Variants in EVC observed in about 807,000 individuals in gnomAD.
The protein encoded by EVC is EvC ciliary complex subunit 1, also known as evC complex member EVC.
In EVC, 116 loss-of-function variants were observed where a neutral mutation model predicts 118.9. The ratio of observed to expected loss-of-function variants is 0.98; its 90% confidence interval spans 0.84 to 1.14. The LOEUF is 1.14. Ranked by LOEUF, EVC falls within the 50% of genes most tolerant of loss-of-function variation. The pLI is 0.00. For missense variants in EVC, 1,401 were observed against 1,246.4 expected, an observed-to-expected ratio of 1.12 and a Z score of -1.87; for synonymous variants, 619 against 534.7, an observed-to-expected ratio of 1.16 and a Z score of -2.18.
In EVC at chr4:5,752,832, G is replaced by A. The variant is rs2152076013; in HGVS notation, c.1099-4G>A. The A allele has an allele frequency of 6.2e-7, 1 of 1,614,140 alleles. No homozygotes were observed. The highest frequency in any genetic ancestry group is 8.5e-7 in the Non-Finnish European group (1 of 1,179,974). On this transcript the variant is annotated splice_polypyrimidine_tract_variant and splice_region_variant and intron_variant, in intron 8 of 20. Transcript: ENST00000264956. ...GCTATGGTCCTGTGTGTTTCTTTTT[G>A]CAGGACGCCCTGGAGAGGACGATGG... is the stretch of plus-strand genomic sequence containing the variant.
chr4:5,768,367 G>A (rs2152186440), intron 11 of EVC, among the ~76,000 whole-genome samples: 1 of 152,262 alleles, frequency 6.6e-6, no homozygotes, highest in South Asian at 2.1e-4. Context: ...GGAGACTGCT[G>A]TGGCCCGTGT....
At chr4:5,750,169 G>A (rs935068770) in intron 8 of EVC, among the ~76,000 whole-genome samples, 7 of 152,054 alleles carry the variant, frequency 4.6e-5, no homozygotes, top group South Asian at 2.1e-4. Flanking sequence ...TAATGACATC[G>A]CTGAGCCTGG....
chr4:5,753,947 C>T lies in EVC; in HGVS notation c.1464+14C>T, dbSNP rs1276237247. On this transcript the variant is annotated intron_variant, in intron 10 of 20. Transcript: ENST00000264956. ...AAGTTTCTCGAGGTGACTCACATCC[C>T]CAGCCTCTGCACATGTGGGTGAGCC... The T allele has an allele frequency of 6.2e-7, 1 of 1,612,528 alleles. No individual in the cohort carries two copies. The highest frequency in any genetic ancestry group is 8.5e-7 in the Non-Finnish European group (1 of 1,179,990).
At chr4:5,800,096 G>A (rs1467039401) in intron 15 of EVC, among the ~76,000 whole-genome samples, 1 of 152,248 alleles carries the variant, frequency 6.6e-6, no homozygotes, top group Non-Finnish European at 1.5e-5. Flanking sequence ...TGTAATCCCA[G>A]CACTTTGGGA....
rs911132556 is a variant in EVC, at chr4:5,783,686, C to T, written c.1698C>T (p.Ala566=). Residue 566 remains alanine, a synonymous_variant, in exon 12 of 21, where the codon GCC becomes GCT. Coordinates refer to ENST00000264956, the MANE Select transcript of EVC (RefSeq NM_153717.3). The part of the protein sequence containing the change: ...YLRQEVQENA[A]WQLGKSNRFR... ...GGCAGGAAGTCCAGGAGAACGCTGC[C>T]TGGCAGCTGGGGAAGTCAAATCGCT... 2 of 1,613,916 alleles carry T rather than the reference C, an allele frequency of 1.2e-6. No individual in the cohort carries two copies. Among genetic ancestry groups the T allele is most frequent in the African/African-American group, 2.7e-5 (2 of 74,924 alleles).
At chr4:5,800,810 A>G (rs1232464389) in intron 15 of EVC, among the ~76,000 whole-genome samples, 2 of 151,748 alleles carry the variant, frequency 1.3e-5, no homozygotes, top group Non-Finnish European at 2.9e-5. Context: ...TCAGACCTGC[A>G]CTGCCACTCC....
chr4:5,820,150 T>C, the EVC span, among the ~76,000 whole-genome samples: 49,401 of 152,138 alleles, frequency 0.32, 12,653 homozygotes, highest in African/African-American at 0.71. Context: ...ATCTGTACAA[T>C]GGGGATAATA....
intron 1 of EVC, among the ~76,000 whole-genome samples, chr4:5,712,385 G>T (rs1723187804): frequency 6.6e-6 from 1 of 152,230 alleles, no homozygotes; most frequent in Non-Finnish European, 1.5e-5. Context: ...ATGAGGGTCG[G>T]GGTGGCTGCC....
intron 6 of EVC, among the ~76,000 whole-genome samples, chr4:5,744,791 T>G (rs1164907970): frequency 6.6e-6 from 1 of 152,142 alleles, no homozygotes; most frequent in East Asian, 1.9e-4. Flanking sequence ...GTTTCTGGCC[T>G]TTAAACCAAC....
Position 5,746,010 on chromosome 4 carries a change from C to T in EVC, c.939+669C>T, listed in dbSNP as rs1334969796. On this transcript the variant is annotated intron_variant, in intron 7 of 20. Transcript: ENST00000264956. This position sits in a 1 kb window ranked among gnomAD's most constrained non-coding sequence, Gnocchi z 5.8. ...TTTACCCCAGGCTTAGGAAAGCCTC[C>T]GTAGAAGAAGGGACCATGGAGAGGC... Among the ~76,000 whole-genome samples the T allele has an allele frequency of 2.0e-5, 3 of 152,132 alleles. No homozygotes were observed. The highest frequency in any genetic ancestry group is 2.1e-4 in the South Asian group (1 of 4,826).
chr4:5,826,961 G>C, the EVC span: 1 of 152,598 alleles, frequency 6.6e-6, no homozygotes, highest in African/African-American at 2.4e-5. Flanking sequence ...GGGCCTCACT[G>C]TATCCTGTGC....
rs549926875 is a variant in EVC at position 5,808,520 on chromosome 4, T to C, written c.2688+193T>C. ...GGACCCTGAGCCCCTGGAGGGCAAG[T>C]GTGGCCTGTGTGGATCCCTACAGCA... On this transcript the variant is annotated intron_variant, in intron 18 of 20. Coordinates refer to ENST00000264956, the MANE Select transcript of EVC (RefSeq NM_153717.3). Among the ~76,000 whole-genome samples the C allele has an allele frequency of 3.3e-5, 5 of 152,280 alleles. No individual in the cohort carries two copies. The East Asian group carries it at 9.7e-4, about 30-fold the overall frequency.
At chr4:5,825,581 T>G in the EVC span, 2 of 1,600,056 alleles carry the variant, frequency 1.2e-6, no homozygotes, top group Admixed American at 1.8e-5. The surrounding 1 kb of genome is among the most constrained non-coding windows in gnomAD (Gnocchi z 4.4). Flanking sequence ...GGAGCGGGAG[T>G]TGCATATTTG....
At chr4:5,721,266 A>G (rs1484042191) in intron 2 of EVC, among the ~76,000 whole-genome samples, 4 of 152,162 alleles carry the variant, frequency 2.6e-5, no homozygotes, top group Non-Finnish European at 5.9e-5. Flanking sequence ...AAACAACCCA[A>G]ATAGAAAAAC....
chr4:5,730,862 C>T (rs1278913322), intron 3 of EVC, among the ~76,000 whole-genome samples: 2 of 152,062 alleles, frequency 1.3e-5, no homozygotes, highest in African/African-American at 4.8e-5. Flanking sequence ...CTGACATTTG[C>T]TGGGCCCTCT....
rs928465395 is a variant in EVC, at chr4:5,810,187, A to G, written c.2783-152A>G. 22 of 708,522 alleles carry G rather than the reference A, an allele frequency of 3.1e-5. No homozygotes were observed. The African/African-American group carries it at 3.3e-4, about 11-fold the overall frequency. 43.9% of individuals were successfully genotyped at this position (708,522 alleles called of 1,614,324 possible). On this transcript the variant is annotated intron_variant, in intron 19 of 20. Coordinates refer to ENST00000264956, the MANE Select transcript of EVC (RefSeq NM_153717.3). ...CTTCCCAGGCCTCAGTTTCCTCATT[A>G]GTTGAGTGGCTGCAATAGCATAAGA...
chr4:5,818,173 C>G (rs1717985353), downstream of EVC, among the ~76,000 whole-genome samples: 1 of 152,056 alleles, frequency 6.6e-6, no homozygotes, highest in Non-Finnish European at 1.5e-5. Flanking sequence ...ACCATTTTCA[C>G]TTGGTTCTCA....
intron 11 of EVC, among the ~76,000 whole-genome samples, chr4:5,765,785 G>A (rs1165490996): frequency 6.7e-6 from 1 of 150,050 alleles, no homozygotes; most frequent in Non-Finnish European, 1.5e-5. Flanking sequence ...TTTATTTTGA[G>A]CCTATGTGTG....
At chr4:5,715,297 C>T (rs759112211) in intron 1 of EVC, among the ~76,000 whole-genome samples, 38 of 152,334 alleles carry the variant, frequency 2.5e-4, no homozygotes, top group Non-Finnish European at 5.0e-4. Flanking sequence ...ATTCTCTAGA[C>T]AGCTCTCTAA....
Sources: allele counts gnomAD v4.1 joint callset (sites outside exome capture counted in the v4.1 genomes callset), GRCh38; gene constraint gnomAD v4.1.1; non-coding constraint Gnocchi (gnomAD v3.1); transcripts MANE v1.5; gene names NCBI Gene and HGNC (gene_info 2026-07-23, HGNC 2026-07-21).